Variants in DGKB observed in about 807,000 individuals in gnomAD.
DGKB encodes the protein diacylglycerol kinase beta, also known as 90 kDa diacylglycerol kinase.
A neutral mutation model predicts 114.3 loss-of-function variants in DGKB; 67 were observed. That is an observed-to-expected ratio of 0.59 (90% CI 0.48 to 0.72). The LOEUF (loss-of-function observed/expected upper bound fraction) is 0.72. Ranked by LOEUF, DGKB falls within the 30% of genes least tolerant of loss-of-function variation. DGKB has a pLI of 0.00. For synonymous variants in DGKB, 398 were observed against 323.1 expected, an observed-to-expected ratio of 1.23 and a Z score of -2.49; for missense variants, 907 against 975.2, an observed-to-expected ratio of 0.93 and a Z score of 0.93.
intron 23 of DGKB, among the ~76,000 whole-genome samples, chr7:14,260,714 C>G (rs7789048): frequency 0.41 from 62,967 of 152,058 alleles, 15,328 homozygotes; most frequent in East Asian, 0.73. Flanking sequence ...ATTTTAGCAA[C>G]CCTTTTGGTT....
chr7:14,856,957 C>T (rs1449278039), intron 1 of DGKB, among the ~76,000 whole-genome samples: 1 of 152,084 alleles, frequency 6.6e-6, no homozygotes, highest in African/African-American at 2.4e-5. Context: ...GCTCCCCTCC[C>T]CTTGCATGTG....
At chr7:14,346,170 TTAAAG>T (rs1325468102) in intron 21 of DGKB, among the ~76,000 whole-genome samples, 7 of 151,788 alleles carry the variant, frequency 4.6e-5, no homozygotes, top group Admixed American at 3.3e-4. Flanking sequence ...TCATATCAAA[TTAAAG>T]TATTCTGTTT....
chr7:14,291,922 G>A (rs982196913), intron 23 of DGKB, among the ~76,000 whole-genome samples: 4 of 152,062 alleles, frequency 2.6e-5, no homozygotes, highest in Non-Finnish European at 5.9e-5. Context: ...GGTAATATCA[G>A]GAGTTTCAGA....
intron 4 of DGKB, among the ~76,000 whole-genome samples, chr7:14,743,259 G>A (rs183527631): frequency 6.6e-6 from 1 of 152,204 alleles, no homozygotes; most frequent in African/African-American, 2.4e-5. Flanking sequence ...TAATATTAAT[G>A]AATAATGAAA....
intron 13 of DGKB, among the ~76,000 whole-genome samples, chr7:14,633,774 G>A (rs999957982): frequency 6.6e-6 from 1 of 151,628 alleles, no homozygotes. Context: ...GAATGTGATT[G>A]ATTTTATTTG....
At chr7:14,910,719 C>G (rs1028158373) in intron 1 of DGKB, among the ~76,000 whole-genome samples, 3 of 152,110 alleles carry the variant, frequency 2.0e-5, no homozygotes, top group Non-Finnish European at 4.4e-5. Flanking sequence ...TCTAATCTGG[C>G]TCCAAAGTTC....
At chr7:14,913,196 C>T (rs1387415820) in intron 1 of DGKB, among the ~76,000 whole-genome samples, 1 of 151,922 alleles carries the variant, frequency 6.6e-6, no homozygotes, top group Admixed American at 6.6e-5. Context: ...GGCGATGTGA[C>T]CTTTTCCTTG....
At chr7:14,281,417 C>A (rs539368609) in intron 23 of DGKB, among the ~76,000 whole-genome samples, 7,096 of 134,590 alleles carry the variant, frequency 0.053, 663 homozygotes, top group African/African-American at 0.19. Flanking sequence ...TAATGGGAGA[C>A]TTTAACACCC....
At chr7:14,650,018 G>A (rs994170999) in intron 13 of DGKB, among the ~76,000 whole-genome samples, 1 of 151,712 alleles carries the variant, frequency 6.6e-6, no homozygotes, top group Non-Finnish European at 1.5e-5. Context: ...GACCTACAAA[G>A]AGACTTAGAC....
At chr7:14,263,476 C>A (rs1354565990) in intron 23 of DGKB, among the ~76,000 whole-genome samples, 1 of 152,266 alleles carries the variant, frequency 6.6e-6, no homozygotes, top group East Asian at 1.9e-4. Context: ...CTGAAGTATG[C>A]CATTTTCTCT....
chr7:14,872,055 G>GA (rs774152698), intron 1 of DGKB, among the ~76,000 whole-genome samples: 94 of 152,164 alleles, frequency 6.2e-4, no homozygotes, highest in Non-Finnish European at 3.8e-4. Context: ...GTGAAGCAAA[G>GA]GGCAAAGTGG....
At chr7:14,228,882 T>TTTTGTGTGTG (rs1407841864) in intron 23 of DGKB, among the ~76,000 whole-genome samples, 1 of 67,718 alleles carries the variant, frequency 1.5e-5, no homozygotes, top group African/African-American at 1.3e-4. Flanking sequence ...TCAGTTTTTT[T>TTTTGTGTGTG]TCTGTGTGTG....
chr7:14,486,923 A>G (rs938706388), intron 20 of DGKB, among the ~76,000 whole-genome samples: 1 of 152,212 alleles, frequency 6.6e-6, no homozygotes, highest in African/African-American at 2.4e-5. Context: ...AACTTCAACA[A>G]TTTAGATTAA....
At chr7:14,316,131 G>T (rs1806459004) in intron 23 of DGKB, among the ~76,000 whole-genome samples, 1 of 151,692 alleles carries the variant, frequency 6.6e-6, no homozygotes, top group African/African-American at 2.4e-5. Context: ...TGCATTCAAA[G>T]CAGTGTGTAG....
intron 23 of DGKB, among the ~76,000 whole-genome samples, chr7:14,314,265 G>C (rs1806028870): frequency 6.6e-6 from 1 of 152,154 alleles, no homozygotes; most frequent in African/African-American, 2.4e-5. Context: ...ACCAGCAACG[G>C]AACAAAGCTG....
rs1781804308 is a variant in DGKB, at chr7:14,176,802, T to A, written c.2304+37A>T. 4.4e-6 allele frequency: 7 copies of A among 1,585,992 alleles called. No individual in the cohort carries two copies. In the East Asian group the frequency reaches 1.6e-4, roughly 36 times the overall value. The stretch of plus-strand genomic sequence containing the variant: ...ATTTAGTCAAAGAGGAAAGCAAAAC[T>A]GAGATTGACATAGCATATCAACTAC... On this transcript the variant is annotated intron_variant, in intron 25 of 25. Transcript: ENST00000402815.
intron 21 of DGKB, among the ~76,000 whole-genome samples, chr7:14,385,626 C>A (rs1299455145): frequency 6.6e-6 from 1 of 152,148 alleles, no homozygotes; most frequent in African/African-American, 2.4e-5. Flanking sequence ...TGATAAATCC[C>A]ATTGGCAGTC....
At chr7:14,680,817 G>C (rs1160320911) in intron 12 of DGKB, among the ~76,000 whole-genome samples, 1 of 151,720 alleles carries the variant, frequency 6.6e-6, no homozygotes, top group African/African-American at 2.4e-5. Context: ...CATTAGAAAA[G>C]GCAGCAATGC....
intron 1 of DGKB, among the ~76,000 whole-genome samples, chr7:14,892,619 C>G (rs967302359): frequency 6.6e-6 from 1 of 150,918 alleles, no homozygotes; most frequent in Non-Finnish European, 1.5e-5. Flanking sequence ...CCACCTGCCC[C>G]CACAATACAA....
Sources: allele counts gnomAD v4.1 joint callset (sites outside exome capture counted in the v4.1 genomes callset), GRCh38; gene constraint gnomAD v4.1.1; transcripts MANE v1.5; gene names NCBI Gene and HGNC (gene_info 2026-07-23, HGNC 2026-07-21).